Variants in ZNF676 observed in about 807,000 individuals in gnomAD.
The protein encoded by ZNF676 is zinc finger protein 676.
A neutral mutation model predicts 6.0 loss-of-function variants in ZNF676; 4 were observed. The ratio of observed to expected loss-of-function variants is 0.67; its 90% CI spans 0.33 to 1.53. The LOEUF is 1.53. Among genes scored for constraint, ZNF676 ranks in the 40% most tolerant of loss-of-function variants. The pLI is 0.06. For missense variants in ZNF676, 644 were observed against 679.7 expected, an observed-to-expected ratio of 0.95 and a Z score of 0.58; for synonymous variants, 198 against 223.1, an observed-to-expected ratio of 0.89 and a Z score of 1.00.
At chr19:22,221,748 CA>C in the ZNF676 span, among the ~76,000 whole-genome samples, 99,869 of 146,276 alleles carry the variant, frequency 0.68, 33,704 homozygotes, top group South Asian at 0.84. Flanking sequence ...AAGACTGTCA[CA>C]AAAAAAAAAA....
rs573040944 is a variant in ZNF676 at position 22,196,764 on chromosome 19, G to C, written c.-131C>G. 2 of 1,542,468 alleles carry C rather than the reference G, an allele frequency of 1.3e-6. No homozygotes were observed. Among genetic ancestry groups the C allele is most frequent in the African/African-American group, 1.4e-5 (1 of 73,104 alleles). On this transcript the variant is annotated 5_prime_UTR_variant, in exon 1 of 3. Coordinates refer to ENST00000397121, the MANE Select transcript of ZNF676 (RefSeq NM_001001411.3). ...CACAAACACATATATTTACCAATTG[G>C]TCATGGGCAGAACTTTTAATGTGAC...
the ZNF676 span, among the ~76,000 whole-genome samples, chr19:22,236,392 T>C: frequency 6.6e-6 from 1 of 152,192 alleles, no homozygotes; most frequent in Non-Finnish European, 1.5e-5. Context: ...CATAAGCCTC[T>C]ACTTTAACTG....
intron 2 of ZNF676, among the ~76,000 whole-genome samples, chr19:22,182,593 A>AAAAAAAAAACAAAAC (rs1356303631): frequency 1.1e-5 from 1 of 90,930 alleles, no homozygotes; most frequent in Non-Finnish European, 2.1e-5. Context: ...TCTAAAAAAA[A>AAAAAAAAAACAAAAC]AAAAAAAAAG....
At chr19:22,241,947 T>G in the ZNF676 span, among the ~76,000 whole-genome samples, 1 of 151,790 alleles carries the variant, frequency 6.6e-6, no homozygotes, top group South Asian at 2.1e-4. Flanking sequence ...ATTGGTGGGG[T>G]GTGCACACAA....
upstream of ZNF676, among the ~76,000 whole-genome samples, chr19:22,197,318 CAA>C (rs35429094): frequency 8.9e-4 from 98 of 109,540 alleles, no homozygotes; most frequent in East Asian, 5.6e-3. Flanking sequence ...AACTCCATCT[CAA>C]AAAAAAAAAA....
At chr19:22,188,741 C>G (rs1396852997) in intron 2 of ZNF676, among the ~76,000 whole-genome samples, 1 of 152,062 alleles carries the variant, frequency 6.6e-6, no homozygotes, top group Non-Finnish European at 1.5e-5. Context: ...CATGAGTGAA[C>G]TCCCATTTAC....
At chr19:22,194,925 T>C (rs1177521387) in intron 1 of ZNF676, among the ~76,000 whole-genome samples, 1 of 152,122 alleles carries the variant, frequency 6.6e-6, no homozygotes, top group Non-Finnish European at 1.5e-5. Flanking sequence ...CCTACCAAAG[T>C]ACCCACTGTC....
upstream of ZNF676, among the ~76,000 whole-genome samples, chr19:22,199,461 A>G (rs1411233533): frequency 6.6e-6 from 1 of 152,240 alleles, no homozygotes; most frequent in Non-Finnish European, 1.5e-5. Flanking sequence ...AATGTTTATT[A>G]AGCAGGTACT....
chr19:22,214,761 T>C (rs1471156924), intron 1 of ZNF676, among the ~76,000 whole-genome samples: 1 of 150,430 alleles, frequency 6.6e-6, no homozygotes, highest in African/African-American at 2.4e-5. Context: ...ACCATGAGGC[T>C]GGGCGCCATG....
chr19:22,259,198 G>T, the ZNF676 span, among the ~76,000 whole-genome samples: 1 of 152,154 alleles, frequency 6.6e-6, no homozygotes, highest in Non-Finnish European at 1.5e-5. Context: ...TTTGGGGAGG[G>T]CTCAGATGAA....
At chr19:22,192,002 T>G (rs2023913756) in intron 2 of ZNF676, among the ~76,000 whole-genome samples, 1 of 152,230 alleles carries the variant, frequency 6.6e-6, no homozygotes, top group African/African-American at 2.4e-5. Context: ...CAAAAAAATT[T>G]TTAAGTCACT....
Position 22,180,532 on chromosome 19 carries a change from A to C in ZNF676, c.1185T>G (p.Cys395Trp), listed in dbSNP as rs765992868. 9 of 1,610,978 alleles carry C rather than the reference A, an allele frequency of 5.6e-6. No individual in the cohort carries two copies. Among genetic ancestry groups the C allele is most frequent in the Non-Finnish European group, 7.6e-6 (9 of 1,179,672 alleles). ...AGTTGGAAGCTTTGCCACATTCTTC[A>C]CATTTGTAGGGCTTCTCTTCAGCAT... ...AIHAEEKPYK[C>W]EECGKASNSS... The change falls in exon 3 of 3, where the codon TGT (cysteine) becomes TGG (tryptophan). Residue 395 changes from cysteine to tryptophan, a missense_variant. Cys to Trp is a radical substitution (Grantham distance 215, BLOSUM62 -2). This residue lies in a region of ZNF676 where 306 missense variants were observed against 265.4 expected (regional missense o/e 1.15). Coordinates refer to ENST00000397121, the MANE Select transcript of ZNF676 (RefSeq NM_001001411.3).
At chr19:22,226,556 T>G in the ZNF676 span, among the ~76,000 whole-genome samples, 13 of 149,676 alleles carry the variant, frequency 8.7e-5, no homozygotes, top group Admixed American at 3.4e-4. Flanking sequence ...TATTTTTATT[T>G]TATTTATTTA....
chr19:22,192,011 C>G (rs1001294862), intron 2 of ZNF676, among the ~76,000 whole-genome samples: 1 of 152,134 alleles, frequency 6.6e-6, no homozygotes. Context: ...TTTTAAGTCA[C>G]TGAAATTGAA....
the ZNF676 span, among the ~76,000 whole-genome samples, chr19:22,238,685 T>G: frequency 6.6e-6 from 1 of 152,120 alleles, no homozygotes; most frequent in Admixed American, 6.5e-5. Flanking sequence ...AATTAAGTAT[T>G]AACTCACACA....
the ZNF676 span, among the ~76,000 whole-genome samples, chr19:22,252,134 C>G: frequency 6.6e-6 from 1 of 152,064 alleles, no homozygotes; most frequent in South Asian, 2.1e-4. Flanking sequence ...GTGGTTCACG[C>G]CTGTAATCTT....
the ZNF676 span, among the ~76,000 whole-genome samples, chr19:22,258,083 G>C: frequency 1.7e-4 from 26 of 152,094 alleles, no homozygotes; most frequent in African/African-American, 5.8e-4. Context: ...TTATTCCTGT[G>C]AGCAAAGACC....
At chr19:22,205,211 G>C (rs188111932) in intron 1 of ZNF676, among the ~76,000 whole-genome samples, 1 of 152,028 alleles carries the variant, frequency 6.6e-6, no homozygotes. Context: ...AGTAATAATC[G>C]GGGACTACAT....
intron 2 of ZNF676, among the ~76,000 whole-genome samples, chr19:22,191,221 G>T (rs1918161): frequency 0.38 from 57,645 of 151,934 alleles, 11,177 homozygotes; most frequent in African/African-American, 0.42. Flanking sequence ...TAAAGCCCAA[G>T]ATTGAGGAGC....
Sources: gnomAD v4.1 joint callset for allele counts (sites outside exome capture counted in the v4.1 genomes callset) on GRCh38, gnomAD v4.1.1 for gene constraint, gnomAD v4.1.1 regional missense constraint, MANE v1.5 for transcripts, NCBI Gene and HGNC (gene_info 2026-07-23, HGNC 2026-07-21) for gene names.